The following GPR158 variants were observed in gnomAD, a reference collection of about 807,000 sequenced individuals.
The protein encoded by GPR158 is G protein-coupled receptor 158.
Under a neutral mutation model 78.2 loss-of-function variants are expected in GPR158, and 30 were observed. The observed-to-expected ratio is 0.38, with a 90% CI of 0.29 to 0.52. The LOEUF is 0.52. GPR158 is among the 20% of genes least tolerant of loss of function. The probability of loss-of-function intolerance (pLI) is 0.83; values close to 1 mark genes in which losing one functional copy is unlikely to be tolerated. For synonymous variants in GPR158, 581 were observed against 591.1 expected (o/e 0.98, Z 0.25); for missense variants, 1,463 against 1,523.5 (o/e 0.96, Z 0.66).
intron 1 of GPR158, among the ~76,000 whole-genome samples, chr10:25,205,988 CTT>C (rs34835235): frequency 0.15 from 19,940 of 135,504 alleles, 1,585 homozygotes; most frequent in East Asian, 0.31. Context: ...GTGGGTCCCT[CTT>C]TTTTTTTTTT....
intron 1 of GPR158, among the ~76,000 whole-genome samples, chr10:25,206,772 G>T (rs1853044578): frequency 6.6e-6 from 1 of 151,750 alleles, no homozygotes; most frequent in South Asian, 2.1e-4. Context: ...GATTTCTGAT[G>T]GTTAAATAAT....
chr10:25,509,944 C>A (rs923209074), intron 5 of GPR158, among the ~76,000 whole-genome samples: 1 of 152,200 alleles, frequency 6.6e-6, no homozygotes, highest in Admixed American at 6.5e-5. Context: ...GAACTCCTGA[C>A]CTCAGGTGAT....
At chr10:25,372,878 A>C (rs961215937) in intron 2 of GPR158, among the ~76,000 whole-genome samples, 1 of 151,698 alleles carries the variant, frequency 6.6e-6, no homozygotes, top group Non-Finnish European at 1.5e-5. Flanking sequence ...AAATAAATAA[A>C]ATGGAAATTA....
chr10:25,241,125 TTTTCTTTCTTTCTTTCTTTCTTTC>T (rs752386158), intron 2 of GPR158, among the ~76,000 whole-genome samples: 1,626 of 108,506 alleles, frequency 0.015, 26 homozygotes, highest in Non-Finnish European at 0.023. Flanking sequence ...TTTACTTTGA[TTTTCTTTCTTTCTTTCTTTCTTTC>T]TTTCTTTCTT....
At chr10:25,365,299 A>G (rs562284317) in intron 2 of GPR158, among the ~76,000 whole-genome samples, 1 of 149,606 alleles carries the variant, frequency 6.7e-6, no homozygotes, top group South Asian at 2.1e-4. Flanking sequence ...TCCCCATAAT[A>G]AAAGCTCAGT....
chr10:25,421,897 G>T (rs568361346), intron 4 of GPR158, among the ~76,000 whole-genome samples: 2 of 152,020 alleles, frequency 1.3e-5, no homozygotes, highest in South Asian at 2.1e-4. Context: ...AATGTTTTTT[G>T]ATTCTCACCA....
At chr10:25,589,887 A>G (rs1837318221) in intron 8 of GPR158, among the ~76,000 whole-genome samples, 1 of 152,374 alleles carries the variant, frequency 6.6e-6, no homozygotes, top group African/African-American at 2.4e-5. Flanking sequence ...AAGGAATTCT[A>G]TCATTTAAAA....
At chr10:25,185,896 C>T (rs1831804734) in intron 1 of GPR158, among the ~76,000 whole-genome samples, 1 of 152,188 alleles carries the variant, frequency 6.6e-6, no homozygotes, top group Non-Finnish European at 1.5e-5. Flanking sequence ...CTACAGAACT[C>T]TCTACCCCAA....
At position 25,412,287 on chromosome 10, in the gene GPR158, A is replaced by G; in HGVS notation, c.1149A>G (p.Lys383=). ...ATCAGCATATTTCAGGAAGTACAAA[A>G]GATGTGTCAGAAGAAGCCTATGTCT... is the stretch of plus-strand genomic sequence containing the variant. ...GPDQHISGST[K]DVSEEAYVCL... Residue 383 remains lysine, a synonymous_variant, in exon 4 of 11, where the codon AAA becomes AAG. Transcript: ENST00000376351. The G allele has an allele frequency of 6.2e-7, 1 of 1,614,108 alleles. No homozygotes were observed.
rs140997563 is a variant in GPR158 at position 25,178,744 on chromosome 10, T to C, written c.902+2422T>C. On this transcript the variant is annotated intron_variant, in intron 1 of 10. Coordinates refer to ENST00000376351, the MANE Select transcript of GPR158 (RefSeq NM_020752.3). ...ATCCTGTGCCCTTCAAATGCTGTAT[T>C]GAGGGTCCACACAGTAGAAACCAGA... Among the ~76,000 whole-genome samples the C allele has an allele frequency of 2.6e-3, 398 of 152,306 alleles. 2 individuals are homozygous for C. Among genetic ancestry groups the C allele is most frequent in the African/African-American group, 8.8e-3 (366 of 41,568 alleles).
At position 25,452,292 on chromosome 10, in the gene GPR158, C is replaced by T. The variant is rs373054396; in HGVS notation, c.1336-14359C>T. On this transcript the variant is annotated intron_variant, in intron 4 of 10. Coordinates refer to ENST00000376351, the MANE Select transcript of GPR158 (RefSeq NM_020752.3). Reference sequence around the variant, plus strand: ...AACTCCTGGGCTTAAATAATCCTCTCGCCCCTGCCTCGCAAAATGCTAGGA... The same window carrying T: ...AACTCCTGGGCTTAAATAATCCTCTTGCCCCTGCCTCGCAAAATGCTAGGA... Among the ~76,000 whole-genome samples the T allele has an allele frequency of 1.1e-3, 164 of 152,210 alleles. 1 individual carries two copies. The South Asian group carries it at 0.026, about 24-fold the overall frequency.
rs1432281286 is a variant in GPR158, at chr10:25,176,293, G to A, written c.873G>A (p.Gly291=). 7 of 1,604,234 alleles carry A rather than the reference G, an allele frequency of 4.4e-6. No individual in the cohort carries two copies. Among genetic ancestry groups the A allele is most frequent in the Non-Finnish European group, 6.0e-6 (7 of 1,175,420 alleles). ...WLVTLSSAIY[G]LQPNLVPEFR... The stretch of plus-strand genomic sequence containing the variant: ...TTACTCTTTCCTCTGCCATCTACGG[G>A]TTGCAGCCTAACCTGGTCCCGGAAT... The change falls in exon 1 of 11, where the codon GGG becomes GGA. Residue 291 remains glycine (G), a synonymous_variant. Coordinates refer to ENST00000376351, the MANE Select transcript of GPR158 (RefSeq NM_020752.3). This position sits in a 1 kb window ranked among gnomAD's most constrained non-coding sequence, Gnocchi z 6.3.
chr10:25,219,067 C>T (rs1433446823), intron 1 of GPR158, among the ~76,000 whole-genome samples: 5 of 152,108 alleles, frequency 3.3e-5, no homozygotes, highest in African/African-American at 1.2e-4. Context: ...TAAAGTAGAA[C>T]CAGAAGTGGG....
chr10:25,448,234 G>C (rs1377333899), intron 4 of GPR158, among the ~76,000 whole-genome samples: 1 of 151,612 alleles, frequency 6.6e-6, no homozygotes, highest in Non-Finnish European at 1.5e-5. Flanking sequence ...ACAGGTGCCC[G>C]CCACCACGCC....
At chr10:25,373,265 A>C (rs1834027913) in intron 2 of GPR158, among the ~76,000 whole-genome samples, 1 of 151,908 alleles carries the variant, frequency 6.6e-6, no homozygotes. Flanking sequence ...ATTGGGAAGC[A>C]ACAGACACTG....
chr10:25,434,650 G>C (rs564044777), intron 4 of GPR158, among the ~76,000 whole-genome samples: 187 of 152,230 alleles, frequency 1.2e-3, no homozygotes, highest in African/African-American at 4.2e-3. Context: ...AATGGAGAAA[G>C]GAATATAAGG....
chr10:25,202,691 T>C (rs1269214372), intron 1 of GPR158, among the ~76,000 whole-genome samples: 1 of 152,238 alleles, frequency 6.6e-6, no homozygotes, highest in African/African-American at 2.4e-5. Context: ...TCTTTGCTAT[T>C]GTGAATAGTG....
chr10:25,461,244 T>C (rs1286337146), intron 4 of GPR158, among the ~76,000 whole-genome samples: 4 of 152,192 alleles, frequency 2.6e-5, no homozygotes, highest in African/African-American at 9.6e-5. Context: ...GAGGCTGGGA[T>C]AGGCTGAAAA....
At chr10:25,280,494 G>A (rs1390768328) in intron 2 of GPR158, among the ~76,000 whole-genome samples, 6 of 152,126 alleles carry the variant, frequency 3.9e-5, no homozygotes, top group Non-Finnish European at 8.8e-5. Flanking sequence ...AGAATTTCTT[G>A]GAGAAATTGA....
Sources: gnomAD v4.1 joint callset for allele counts (sites outside exome capture counted in the v4.1 genomes callset) on GRCh38, gnomAD v4.1.1 for gene constraint, Gnocchi (gnomAD v3.1) non-coding constraint, MANE v1.5 for transcripts, NCBI Gene and HGNC (gene_info 2026-07-23, HGNC 2026-07-21) for gene names.